The following WDFY3 variants were observed in gnomAD, a reference collection of about 807,000 sequenced individuals.
The protein encoded by WDFY3 is WD repeat and FYVE domain-containing protein 3.
Under a neutral mutation model 409.6 loss-of-function variants are expected in WDFY3, and 66 were observed. The ratio of observed to expected loss-of-function variants is 0.16; its 90% CI spans 0.13 to 0.20. The LOEUF (loss-of-function observed/expected upper bound fraction) is 0.20. WDFY3 is among the 10% of genes least tolerant of loss of function. The pLI, the probability that WDFY3 is intolerant of heterozygous loss-of-function variation, is 1.00. For synonymous variants in WDFY3, 1,521 were observed against 1,537.1 expected (o/e 0.99, Z 0.25); for missense variants, 3,031 against 4,298.1 (o/e 0.71, Z 8.24).
chr4:84,857,585 CA>C (rs1416597292), intron 4 of WDFY3, among the ~76,000 whole-genome samples: 2 of 152,074 alleles, frequency 1.3e-5, no homozygotes, highest in African/African-American at 2.4e-5. Context: ...TTCCAGATAA[CA>C]AAAATTATTA....
At chr4:84,757,641 G>C (rs922576518) in intron 32 of WDFY3, among the ~76,000 whole-genome samples, 1 of 152,078 alleles carries the variant, frequency 6.6e-6, no homozygotes, top group Non-Finnish European at 1.5e-5. Flanking sequence ...GCAGTGCCAT[G>C]ATATTGGCTC....
chr4:84,873,450 A>G (rs1762381494), intron 3 of WDFY3, among the ~76,000 whole-genome samples: 1 of 152,206 alleles, frequency 6.6e-6, no homozygotes, highest in Non-Finnish European at 1.5e-5. Context: ...AAATGAAAAT[A>G]CAACTTATCA....
Position 84,960,529 on chromosome 4 carries a change from C to T in WDFY3, c.-226+5680G>A, listed in dbSNP as rs369499017. Among the ~76,000 whole-genome samples, 10 of 152,240 alleles carry T rather than the reference C, an allele frequency of 6.6e-5. No individual in the cohort carries two copies. In the East Asian group the frequency reaches 1.2e-3, roughly 18 times the overall value. ...ATGACTGAACAAATTATCTATTTTC[C>T]GTGAGAACTGTTGAGATGTTTAAAC... is the stretch of plus-strand genomic sequence containing the variant. On this transcript the variant is annotated intron_variant, in intron 1 of 67. Coordinates refer to ENST00000295888, the MANE Select transcript of WDFY3 (RefSeq NM_014991.6).
At chr4:84,837,602 A>T (rs1268299894) in intron 6 of WDFY3, among the ~76,000 whole-genome samples, 1 of 152,190 alleles carries the variant, frequency 6.6e-6, no homozygotes, top group East Asian at 1.9e-4. Flanking sequence ...GGCTGGAAAG[A>T]CACTTGAGTG....
intron 42 of WDFY3, among the ~76,000 whole-genome samples, chr4:84,735,339 C>A (rs559183052): frequency 6.6e-6 from 1 of 152,212 alleles, no homozygotes; most frequent in Non-Finnish European, 1.5e-5. Flanking sequence ...GAAGGGCTTG[C>A]TGCCCACGTG....
chr4:84,794,922 T>C lies in WDFY3; in HGVS notation c.3225A>G (p.Thr1075=). The change falls in exon 20 of 68, where the codon ACA becomes ACG. Residue 1075 remains threonine, a synonymous_variant. Coordinates refer to ENST00000295888, the MANE Select transcript of WDFY3 (RefSeq NM_014991.6). ...PHNAPTNNTV[T]TGLIDGAVVS... ...CCACAGCCCCATCAATAAGACCTGT[T>C]GTGACGGTATTATTTGTAGGAGCAT... is the stretch of plus-strand genomic sequence containing the variant. 1 of 1,580,370 alleles carries C rather than the reference T, an allele frequency of 6.3e-7. No homozygotes were observed. The highest frequency in any genetic ancestry group is 8.6e-7 in the Non-Finnish European group (1 of 1,167,746).
intron 1 of WDFY3, among the ~76,000 whole-genome samples, chr4:84,940,315 T>TA (rs1771942965): frequency 6.6e-6 from 1 of 152,154 alleles, no homozygotes; most frequent in African/African-American, 2.4e-5. Flanking sequence ...ATAAATTACT[T>TA]AGATTTACTC....
At chr4:84,711,528 A>G (rs747523942) in intron 51 of WDFY3, among the ~76,000 whole-genome samples, 37 of 152,332 alleles carry the variant, frequency 2.4e-4, no homozygotes, top group African/African-American at 8.9e-4. Flanking sequence ...TAAAAATCAG[A>G]AAACATTTTA....
At chr4:84,682,550 C>T (rs1367688900) in intron 63 of WDFY3, 80 bp from the exon 64 acceptor site, 3 of 1,096,904 alleles carry the variant, frequency 2.7e-6, no homozygotes, top group Non-Finnish European at 4.1e-6. Flanking sequence ...TGAAGAGAGA[C>T]TGTCAGGGTT....
chr4:84,818,791 T>C (rs555401279), intron 12 of WDFY3, among the ~76,000 whole-genome samples: 6 of 152,122 alleles, frequency 3.9e-5, no homozygotes, highest in Non-Finnish European at 1.5e-5. Context: ...TCTTTCATAC[T>C]GGGAAAAGAA....
In WDFY3 at chr4:84,966,648, TCCTC is replaced by T. The variant is rs977443956; in HGVS notation, c.-669_-666del. 6.4e-6 allele frequency: 1 copy of T among 156,030 alleles called. No homozygotes were observed. The highest frequency in any genetic ancestry group is 1.4e-5 in the Non-Finnish European group (1 of 69,760). 9.7% of individuals were successfully genotyped at this position (156,030 alleles called of 1,614,324 possible). On this transcript the variant is annotated 5_prime_UTR_variant, in exon 1 of 68. Coordinates refer to ENST00000295888, the MANE Select transcript of WDFY3 (RefSeq NM_014991.6). ...CGCAGCTGTTGGTGGCCATCTTTAATCCTCCTCCTCCTCCTGCTTTCTCCACCTC... is the reference window on the plus strand; with the variant it reads ...CGCAGCTGTTGGTGGCCATCTTTAATCTCCTCCTCCTGCTTTCTCCACCTC...
At chr4:84,907,104 G>A (rs1767143735) in intron 2 of WDFY3, among the ~76,000 whole-genome samples, 3 of 152,018 alleles carry the variant, frequency 2.0e-5, no homozygotes, top group Admixed American at 2.0e-4. Flanking sequence ...AAAGTATTTT[G>A]CAGAGAGAGA....
chr4:84,749,766 G>A (rs1368872044), intron 36 of WDFY3, among the ~76,000 whole-genome samples: 1 of 152,086 alleles, frequency 6.6e-6, no homozygotes, highest in African/African-American at 2.4e-5. Context: ...TAATCTATCT[G>A]GAAGCTTCAA....
chr4:84,873,085 T>C (rs1262169286), intron 3 of WDFY3, among the ~76,000 whole-genome samples: 1 of 152,196 alleles, frequency 6.6e-6, no homozygotes, highest in African/African-American at 2.4e-5. Flanking sequence ...TATTGGAGTT[T>C]GAGACAGCAC....
chr4:84,836,819 A>G (rs1756635258), intron 7 of WDFY3, 110 bp downstream of exon 7: 1 of 960,232 alleles, frequency 1.0e-6, no homozygotes, highest in Non-Finnish European at 1.4e-6. Context: ...ATACTATCAT[A>G]AATAAAATGA....
intron 58 of WDFY3, among the ~76,000 whole-genome samples, chr4:84,693,977 T>C (rs1729692261): frequency 6.6e-6 from 1 of 152,148 alleles, no homozygotes; most frequent in African/African-American, 2.4e-5. Flanking sequence ...GAGTAGTTTC[T>C]GTTGGAAAAC....
At chr4:84,928,767 T>G (rs1770341377) in intron 2 of WDFY3, among the ~76,000 whole-genome samples, 1 of 152,202 alleles carries the variant, frequency 6.6e-6, no homozygotes, top group Non-Finnish European at 1.5e-5. Context: ...CTCTTAAATT[T>G]TTTTAGGGAA....
At chr4:84,740,497 A>G in intron 38 of WDFY3, 81 bp from the exon 39 acceptor site, 1 of 1,362,844 alleles carries the variant, frequency 7.3e-7, no homozygotes, top group South Asian at 1.2e-5. Flanking sequence ...AACTTTTATT[A>G]GGTCTATTAT....
At chr4:84,694,895 A>G (rs1729840495) in intron 58 of WDFY3, among the ~76,000 whole-genome samples, 1 of 152,202 alleles carries the variant, frequency 6.6e-6, no homozygotes, top group South Asian at 2.1e-4. Context: ...TGGCTTTTCT[A>G]TATAAAGATA....
Sources: allele counts gnomAD v4.1 joint callset (sites outside exome capture counted in the v4.1 genomes callset), GRCh38; gene constraint gnomAD v4.1.1; transcripts MANE v1.5; gene names NCBI Gene and HGNC (gene_info 2026-07-23, HGNC 2026-07-21).